The following DNAH14 variants were observed in gnomAD, a reference collection of about 807,000 sequenced individuals.
DNAH14 encodes the protein dynein axonemal heavy chain 14.
Under a neutral mutation model 520.9 loss-of-function variants are expected in DNAH14, and 478 were observed. The ratio of observed to expected loss-of-function variants is 0.92; its 90% CI spans 0.85 to 0.99. DNAH14 has a LOEUF of 0.99. Among genes scored for constraint, DNAH14 ranks in the 50% least tolerant of loss-of-function variants. The pLI, the probability that DNAH14 is intolerant of heterozygous loss-of-function variation, is 0.00. For missense variants in DNAH14, 4,831 were observed against 5,234.5 expected, an observed-to-expected ratio of 0.92 and a Z score of 2.38; for synonymous variants, 1,581 against 1,757.2, an observed-to-expected ratio of 0.90 and a Z score of 2.51.
intron 23 of DNAH14, among the ~76,000 whole-genome samples, chr1:225,115,282 T>C (rs1460394286): frequency 6.6e-6 from 1 of 152,230 alleles, no homozygotes; most frequent in African/African-American, 2.4e-5. Context: ...CTGAGTCTTG[T>C]GCAGGTTAAC....
At chr1:224,933,148 C>T in intron 1 of DNAH14, among the ~76,000 whole-genome samples, 1 of 151,866 alleles carries the variant, frequency 6.6e-6, no homozygotes, top group Non-Finnish European at 1.5e-5. Context: ...CTTTTACCTC[C>T]TTGGTTAAAT....
At chr1:225,307,419 G>T in intron 58 of DNAH14, 42 bp from the exon 59 acceptor site, 1 of 1,309,694 alleles carries the variant, frequency 7.6e-7, no homozygotes, top group Non-Finnish European at 1.0e-6. Context: ...TTGCTAAATT[G>T]TGTTATATCT....
chr1:224,994,330 A>G (rs1039271141), intron 8 of DNAH14, among the ~76,000 whole-genome samples: 1 of 151,988 alleles, frequency 6.6e-6, no homozygotes, highest in Non-Finnish European at 1.5e-5. Flanking sequence ...AAATTCTTTA[A>G]TATTTGCTTG....
At position 225,163,641 on chromosome 1, in the gene DNAH14, C is replaced by T. The variant is rs768322024; in HGVS notation, c.5445+4156C>T. ...TGGTTTTTGTCCTTCATTCTTTTGA[C>T]GTCATGTATCCCATTGATTGATTTG... On this transcript the variant is annotated intron_variant, in intron 35 of 85. Transcript: ENST00000682510. 8.5e-5 allele frequency among the ~76,000 whole-genome samples: 13 copies of T among 152,240 alleles called. No homozygotes were observed. The East Asian group carries it at 1.2e-3, about 14-fold the overall frequency.
At chr1:225,348,160 G>T (rs868119546) in intron 71 of DNAH14, among the ~76,000 whole-genome samples, 1 of 152,042 alleles carries the variant, frequency 6.6e-6, no homozygotes, top group Non-Finnish European at 1.5e-5. Flanking sequence ...CAGGTCATTT[G>T]AAATTATCGA....
chr1:225,171,874 A>G (rs12097555), intron 36 of DNAH14, among the ~76,000 whole-genome samples: 4,014 of 148,720 alleles, frequency 0.027, 158 homozygotes, highest in African/African-American at 0.082. Flanking sequence ...TCAATAAAAT[A>G]CTGGCAAACC....
chr1:225,214,001 T>G (rs1407398572), intron 41 of DNAH14, among the ~76,000 whole-genome samples: 1 of 152,192 alleles, frequency 6.6e-6, no homozygotes, highest in African/African-American at 2.4e-5. Context: ...TCAAAGGGAA[T>G]GCTTCCAGTT....
At chr1:225,335,291 A>C (rs1301695748) in intron 66 of DNAH14, among the ~76,000 whole-genome samples, 1 of 140,592 alleles carries the variant, frequency 7.1e-6, no homozygotes, top group South Asian at 2.3e-4. Flanking sequence ...GTATATGCAC[A>C]TATACACATG....
At chr1:225,096,250 G>A (rs1292891378) in intron 21 of DNAH14, among the ~76,000 whole-genome samples, 3 of 152,064 alleles carry the variant, frequency 2.0e-5, no homozygotes, top group African/African-American at 7.2e-5. Context: ...CCAAAGTGCT[G>A]GGATTACAGG....
intron 17 of DNAH14, among the ~76,000 whole-genome samples, chr1:225,070,405 A>G (rs931837965): frequency 4.6e-5 from 7 of 152,066 alleles, no homozygotes; most frequent in Non-Finnish European, 7.4e-5. Flanking sequence ...GGTACATTGT[A>G]TATTTGTCCT....
chr1:225,171,363 A>C (rs998773038), intron 36 of DNAH14, among the ~76,000 whole-genome samples: 1 of 152,172 alleles, frequency 6.6e-6, no homozygotes, highest in Non-Finnish European at 1.5e-5. Flanking sequence ...CAAAATTGAT[A>C]GACCGCTAGC....
At chr1:225,312,709 G>GT (rs1158312708) in intron 60 of DNAH14, among the ~76,000 whole-genome samples, 1 of 152,126 alleles carries the variant, frequency 6.6e-6, no homozygotes, top group Non-Finnish European at 1.5e-5. Context: ...TAATCATATG[G>GT]TTTTTGTTAT....
chr1:225,242,482 G>A (rs1466267994), intron 43 of DNAH14, among the ~76,000 whole-genome samples: 1 of 151,862 alleles, frequency 6.6e-6, no homozygotes, highest in Non-Finnish European at 1.5e-5. Context: ...GGCCTACGTG[G>A]GGTCAAGTTC....
At chr1:225,283,492 A>C (rs2093671018) in intron 54 of DNAH14, among the ~76,000 whole-genome samples, 1 of 152,144 alleles carries the variant, frequency 6.6e-6, no homozygotes, top group Non-Finnish European at 1.5e-5. Context: ...CATAAGAGTT[A>C]TAAACATATA....
At chr1:225,154,366 C>T (rs1170354813) in intron 34 of DNAH14, among the ~76,000 whole-genome samples, 1 of 151,976 alleles carries the variant, frequency 6.6e-6, no homozygotes, top group Non-Finnish European at 1.5e-5. Context: ...TATTTTTGGG[C>T]AAGCTGGTCC....
intron 77 of DNAH14, among the ~76,000 whole-genome samples, chr1:225,371,907 A>T (rs985774724): frequency 3.3e-5 from 5 of 152,204 alleles, no homozygotes; most frequent in African/African-American, 1.2e-4. Flanking sequence ...GAGTCATAAC[A>T]TTTGTTGAGA....
chr1:225,154,381 G>T (rs986651047), intron 34 of DNAH14, among the ~76,000 whole-genome samples: 1 of 152,046 alleles, frequency 6.6e-6, no homozygotes, highest in African/African-American at 2.4e-5. Flanking sequence ...TGGTCCTAAA[G>T]TTCACATGGA....
At chr1:225,187,588 A>C (rs1020301909) in intron 37 of DNAH14, among the ~76,000 whole-genome samples, 1 of 151,902 alleles carries the variant, frequency 6.6e-6, no homozygotes, top group African/African-American at 2.4e-5. Context: ...CAGTAACTAC[A>C]TTATTTTAAA....
At chr1:225,186,038 G>T (rs1327594224) in intron 37 of DNAH14, among the ~76,000 whole-genome samples, 1 of 135,916 alleles carries the variant, frequency 7.4e-6, no homozygotes, top group Non-Finnish European at 1.5e-5. Context: ...AATAAACTAT[G>T]TTGATTTATT....
Sources: gnomAD v4.1 joint callset for allele counts (sites outside exome capture counted in the v4.1 genomes callset) on GRCh38, gnomAD v4.1.1 for gene constraint, MANE v1.5 for transcripts, NCBI Gene and HGNC (gene_info 2026-07-23, HGNC 2026-07-21) for gene names.